The following ZIC4 variants were observed in gnomAD, a reference collection of about 807,000 sequenced individuals.
The protein encoded by ZIC4 is Zic family zinc finger 4, also known as zinc finger protein ZIC 4.
A neutral mutation model predicts 28.8 loss-of-function variants in ZIC4; 15 were observed. That is an observed-to-expected ratio of 0.52 (90% confidence interval 0.35 to 0.80). The LOEUF is 0.80. Ranked by LOEUF, ZIC4 falls within the 30% of genes least tolerant of loss-of-function variation. The pLI is 0.01. For synonymous variants in ZIC4, 220 were observed against 198.1 expected, an observed-to-expected ratio of 1.11 and a Z score of -0.93; for missense variants, 512 against 467.1, an observed-to-expected ratio of 1.10 and a Z score of -0.89.
rs536501427 is a variant in ZIC4 at position 147,405,502 on chromosome 3, C to T, written c.-16+861G>A. On this transcript the variant is annotated intron_variant, in intron 1 of 4. Transcript: ENST00000383075. ...CCAACTTTCAGATCCAACCTTTGAG[C>T]CAGTCCTAGCTTTCTTTCACAGCTC... 5 of 1,533,224 alleles carry T rather than the reference C, an allele frequency of 3.3e-6. No homozygotes were observed. The South Asian group carries it at 4.8e-5, about 15-fold the overall frequency. The allele number at this position is 1,533,224 out of a possible 1,614,324, so 95.0% of individuals were successfully genotyped here. A position where few individuals can be genotyped will look rare whatever the true frequency, so the allele number is the denominator to read the frequency against.
chr3:147,405,725 G>T, intron 1 of ZIC4: 1 of 549,798 alleles, frequency 1.8e-6, no homozygotes, highest in Non-Finnish European at 3.3e-6. Flanking sequence ...GCTTCCTGAG[G>T]CAGGACCAGG....
Position 147,388,109 on chromosome 3 carries a change from A to G in ZIC4, c.*750T>C, listed in dbSNP as rs2086829117. On this transcript the variant is annotated 3_prime_UTR_variant, in exon 5 of 5. Transcript: ENST00000383075. ...CAGAGTGAACCCCTAAACGTGGGCA[A>G]GTCGGGTTCTAGAAAGGAAGTATAT... The G allele has an allele frequency of 6.6e-6, 1 of 152,568 alleles. No homozygotes were observed. The highest frequency in any genetic ancestry group is 6.5e-5 in the Admixed American group (1 of 15,274). 9.5% of individuals were successfully genotyped at this position (152,568 alleles called of 1,614,324 possible).
rs1226703881 is a variant in ZIC4, at chr3:147,398,885, A to AT, written c.71-2417dup. Among the ~76,000 whole-genome samples, 135 of 151,676 alleles carry AT rather than the reference A, an allele frequency of 8.9e-4. 1 individual carries two copies. Among genetic ancestry groups the AT allele is most frequent in the African/African-American group, 3.1e-3 (127 of 41,322 alleles). ...TGGTCAGTAAATAAGGCCTTAAAAA[A>AT]TTTTTTTTTAAAATAATTAACTGAT... On this transcript the variant is annotated intron_variant, in intron 2 of 4. Coordinates refer to ENST00000383075, the MANE Select transcript of ZIC4 (RefSeq NM_032153.6).
At chr3:147,398,124 A>T (rs960722976) in intron 2 of ZIC4, among the ~76,000 whole-genome samples, 36 of 152,176 alleles carry the variant, frequency 2.4e-4, no homozygotes, top group Non-Finnish European at 5.0e-4. Flanking sequence ...CTGCTGGCCA[A>T]AGAAACAAAG....
At chr3:147,392,163 G>T in intron 3 of ZIC4, 2 of 985,586 alleles carry the variant, frequency 2.0e-6, no homozygotes, top group Non-Finnish European at 2.4e-6. Flanking sequence ...AGGGGTTGGC[G>T]CGGTAGGGTC....
rs2087053443 is a variant in ZIC4, at chr3:147,396,712, G to A, written c.71-243C>T. 2.1e-6 allele frequency: 1 copy of A among 471,482 alleles called. No homozygotes were observed. The highest frequency in any genetic ancestry group is 3.7e-6 in the Non-Finnish European group (1 of 272,884). 29.2% of individuals were successfully genotyped at this position (471,482 alleles called of 1,614,324 possible). A position where few individuals can be genotyped will look rare whatever the true frequency, so the allele number is the denominator to read the frequency against. On this transcript the variant is annotated intron_variant, in intron 2 of 4. Coordinates refer to ENST00000383075, the MANE Select transcript of ZIC4 (RefSeq NM_032153.6). This position sits in a 1 kb window ranked among gnomAD's most constrained non-coding sequence, Gnocchi z 4.2. Reference sequence around the variant, plus strand: ...GCCGCGCCATGAGCTAGAGAGGGATGGTAGCGGCAGAGTAGATGTAAGGGG... The same window carrying A: ...GCCGCGCCATGAGCTAGAGAGGGATAGTAGCGGCAGAGTAGATGTAAGGGG...
rs2086793393 is a variant in ZIC4, at chr3:147,386,130, G to T, written c.*2729C>A. ...CGCCATGTACACAAAAGCCTTTGGA[G>T]GGAAAAGGAATCACAGATTTAATAT... On this transcript the variant is annotated 3_prime_UTR_variant, in exon 5 of 5. Transcript: ENST00000383075. 6.6e-6 allele frequency: 1 copy of T among 152,216 alleles called. No homozygotes were observed. Among genetic ancestry groups the T allele is most frequent in the African/African-American group, 2.4e-5 (1 of 41,458 alleles). 9.4% of individuals were successfully genotyped at this position (152,216 alleles called of 1,614,324 possible). A position where few individuals can be genotyped will look rare whatever the true frequency, so the allele number is the denominator to read the frequency against.
intron 1 of ZIC4, chr3:147,405,399 A>G (rs761478071): frequency 2.1e-5 from 33 of 1,536,990 alleles, no homozygotes; most frequent in Non-Finnish European, 7.0e-6. Context: ...AGTTTCCTGA[A>G]GACGGTGACG....
intron 1 of ZIC4, chr3:147,405,579 G>T: frequency 8.6e-7 from 1 of 1,166,084 alleles, no homozygotes; most frequent in Non-Finnish European, 1.2e-6. Context: ...CTGGGTCTAG[G>T]CTAGGGGCCA....
chr3:147,391,602 G>A (rs2086920758), intron 3 of ZIC4: 1 of 203,188 alleles, frequency 4.9e-6, no homozygotes, highest in African/African-American at 2.3e-5. Flanking sequence ...ACCTCTGCTC[G>A]GAAATACATT....
intron 3 of ZIC4, among the ~76,000 whole-genome samples, chr3:147,394,322 G>A (rs1293510859): frequency 2.1e-5 from 3 of 144,614 alleles, no homozygotes; most frequent in Non-Finnish European, 4.5e-5. Flanking sequence ...ACAAAATTCT[G>A]TCCTGAAAAC....
In ZIC4 at chr3:147,396,870, G is replaced by A. The variant is rs1003832124; in HGVS notation, c.71-401C>T. 27 of 171,910 alleles carry A rather than the reference G, an allele frequency of 1.6e-4. No homozygotes were observed. Among genetic ancestry groups the A allele is most frequent in the African/African-American group, 4.3e-4 (18 of 42,268 alleles). 10.6% of individuals were successfully genotyped at this position (171,910 alleles called of 1,614,324 possible). A position where few individuals can be genotyped will look rare whatever the true frequency, so the allele number is the denominator to read the frequency against. On this transcript the variant is annotated intron_variant, in intron 2 of 4. Transcript: ENST00000383075. This position sits in a 1 kb window ranked among gnomAD's most constrained non-coding sequence, Gnocchi z 4.2. ...GGGGCACGATGCCCTGCGGGGAGTG[G>A]AGGTGACAGAAATGATGATGTTGGA...
chr3:147,404,072 C>T (rs1559966147), intron 1 of ZIC4: 1 of 1,537,034 alleles, frequency 6.5e-7, no homozygotes, highest in Non-Finnish European at 8.7e-7. Flanking sequence ...GGAGGCCTAA[C>T]TTTGCATTCC....
In ZIC4 at chr3:147,396,092, T is replaced by A; in HGVS notation, c.448A>T (p.Thr150Ser). Reference sequence around the variant, plus strand: ...ACGTGCGTGACCAGCTCGTGCATGGTGCTGAAAGTTTTGGAGCAGAGGCTC... The same window carrying A: ...ACGTGCGTGACCAGCTCGTGCATGGAGCTGAAAGTTTTGGAGCAGAGGCTC... Reference protein sequence around the residue: ...TPSLCSKTFSTMHELVTHVTV... With the variant: ...TPSLCSKTFSSMHELVTHVTV... The change falls in exon 3 of 5, where the codon ACC becomes TCC. Residue 150 changes from threonine (T) to serine (S), a missense_variant. By Grantham distance (58) the Thr-to-Ser change is moderately conservative. Transcript: ENST00000383075. The surrounding 1 kb of genome is among the most constrained non-coding windows in gnomAD (Gnocchi z 4.2). The A allele has an allele frequency of 6.2e-7, 1 of 1,614,148 alleles. No homozygotes were observed.
chr3:147,397,623 G>A (rs764861164), intron 2 of ZIC4, among the ~76,000 whole-genome samples: 39 of 152,040 alleles, frequency 2.6e-4, no homozygotes, highest in Non-Finnish European at 4.0e-4. Context: ...GACCTCAGTC[G>A]GGGCTGATGG....
intron 1 of ZIC4, chr3:147,404,293 C>T (rs1177552709): frequency 1.4e-6 from 2 of 1,416,006 alleles, no homozygotes; most frequent in East Asian, 5.1e-5. Context: ...TCTCCCAGGT[C>T]CTGTCAGCCT....
Position 147,396,743 on chromosome 3 carries a change from G to A in ZIC4, c.71-274C>T. The A allele has an allele frequency of 2.6e-6, 1 of 390,502 alleles. No individual in the cohort carries two copies. Among genetic ancestry groups the A allele is most frequent in the Non-Finnish European group, 4.5e-6 (1 of 219,884 alleles). 24.2% of individuals were successfully genotyped at this position (390,502 alleles called of 1,614,324 possible). The stretch of plus-strand genomic sequence containing the variant: ...GGCAGAGTAGATGTAAGGGGTAATG[G>A]AAGGCGCAGGGCTGAGTCTGTGGGT... On this transcript the variant is annotated intron_variant, in intron 2 of 4. Coordinates refer to ENST00000383075, the MANE Select transcript of ZIC4 (RefSeq NM_032153.6). The surrounding 1 kb of genome is among the most constrained non-coding windows in gnomAD (Gnocchi z 4.2).
intron 3 of ZIC4, among the ~76,000 whole-genome samples, chr3:147,395,217 T>C (rs981836799): frequency 3.9e-5 from 6 of 152,206 alleles, no homozygotes; most frequent in South Asian, 4.1e-4. Flanking sequence ...TTCTGTTAAC[T>C]AGAAGTAGCA....
Position 147,391,001 on chromosome 3 carries a change from C to G in ZIC4, c.934G>C (p.Asp312His). The G allele has an allele frequency of 6.2e-7, 1 of 1,613,368 alleles. No homozygotes were observed. Among genetic ancestry groups the G allele is most frequent in the Non-Finnish European group, 8.5e-7 (1 of 1,179,874 alleles). ...GCCACCTGGGACTTGTGGCCGCAGT[C>G]CGACGAGGGCGACACGAGGGCAGAC... Reference protein sequence around the residue: ...TPSALVSPSSDCGHKSQVASS... With the variant: ...TPSALVSPSSHCGHKSQVASS... The change falls in exon 4 of 5, where the codon GAC becomes CAC. Residue 312 changes from aspartate (D) to histidine (H), a missense_variant. Physicochemically the swap from Asp to His is moderately conservative, Grantham distance 81 (BLOSUM62 -1). This residue lies in a region of ZIC4 where 144 missense variants were observed against 116.8 expected (regional missense o/e 1.23). Transcript: ENST00000383075.
Sources: allele counts gnomAD v4.1 joint callset (sites outside exome capture counted in the v4.1 genomes callset), GRCh38; gene constraint gnomAD v4.1.1; regional missense constraint gnomAD v4.1.1; non-coding constraint Gnocchi (gnomAD v3.1); transcripts MANE v1.5; gene names NCBI Gene and HGNC (gene_info 2026-07-23, HGNC 2026-07-21).